The following PDE4D variants were observed in gnomAD, a reference collection of about 807,000 sequenced individuals.
PDE4D encodes the protein phosphodiesterase 4D.
Under a neutral mutation model 87.4 loss-of-function variants are expected in PDE4D, and 24 were observed. That is an observed-to-expected ratio of 0.27 (90% CI 0.20 to 0.39). The LOEUF is 0.39. Ranked by LOEUF, PDE4D falls within the 10% of genes least tolerant of loss-of-function variation. The probability of loss-of-function intolerance (pLI) is 1.00; values close to 1 mark genes in which losing one functional copy is unlikely to be tolerated. For synonymous variants in PDE4D, 384 were observed against 383.2 expected (o/e 1.00, Z -0.02); for missense variants, 714 against 1,041.0 (o/e 0.69, Z 4.32).
At chr5:60,002,361 G>A (rs767416149) in intron 2 of PDE4D, among the ~76,000 whole-genome samples, 2 of 151,934 alleles carry the variant, frequency 1.3e-5, no homozygotes, top group Non-Finnish European at 2.9e-5. Flanking sequence ...TAATACAAAT[G>A]CTTCTCAAAC....
At chr5:59,713,128 A>G (rs1351333194) in intron 1 of PDE4D, among the ~76,000 whole-genome samples, 3 of 152,234 alleles carry the variant, frequency 2.0e-5, no homozygotes, top group Non-Finnish European at 4.4e-5. Context: ...GAAAAAAAAC[A>G]ATAAGTGAAC....
intron 1 of PDE4D, among the ~76,000 whole-genome samples, chr5:59,584,170 G>A (rs907555114): frequency 3.9e-5 from 6 of 152,116 alleles, no homozygotes; most frequent in African/African-American, 1.4e-4. Flanking sequence ...AAGGGAAAGA[G>A]GGTTTTCTGT....
At chr5:59,536,873 TAAGA>T (rs1815368610) in intron 1 of PDE4D, among the ~76,000 whole-genome samples, 6 of 152,230 alleles carry the variant, frequency 3.9e-5, no homozygotes, top group Non-Finnish European at 8.8e-5. Flanking sequence ...CTACATGAAA[TAAGA>T]CTTCAGTTTT....
intron 2 of PDE4D, among the ~76,000 whole-genome samples, chr5:60,082,649 C>G (rs1774080234): frequency 6.6e-6 from 1 of 152,112 alleles, no homozygotes; most frequent in Admixed American, 6.5e-5. Flanking sequence ...CTGGCTAGAT[C>G]TAGTAGCAGG....
At chr5:59,332,448 T>A (rs1264550425) in intron 1 of PDE4D, among the ~76,000 whole-genome samples, 2 of 152,204 alleles carry the variant, frequency 1.3e-5, no homozygotes, top group East Asian at 3.9e-4. Context: ...AAGGCACTCT[T>A]AGATAATGTC....
intron 1 of PDE4D, among the ~76,000 whole-genome samples, chr5:60,318,783 T>C (rs1755898962): frequency 3.3e-5 from 5 of 152,106 alleles, no homozygotes; most frequent in Admixed American, 1.3e-4. Context: ...GGTTGAAAAT[T>C]CTTTTCTTTA....
At chr5:60,515,209 C>T (rs923720571) in intron 1 of PDE4D, among the ~76,000 whole-genome samples, 4 of 151,974 alleles carry the variant, frequency 2.6e-5, no homozygotes, top group Non-Finnish European at 4.4e-5. Flanking sequence ...GTTTTTCCTC[C>T]GTGTTCTTTT....
At chr5:58,996,233 T>C (rs183038679) in intron 6 of PDE4D, among the ~76,000 whole-genome samples, 8 of 152,232 alleles carry the variant, frequency 5.3e-5, no homozygotes, top group Non-Finnish European at 1.0e-4. Context: ...TATATACCTA[T>C]GTAACAAACC....
At chr5:59,416,332 T>A (rs1793603641) in intron 1 of PDE4D, among the ~76,000 whole-genome samples, 1 of 152,170 alleles carries the variant, frequency 6.6e-6, no homozygotes, top group South Asian at 2.1e-4. Context: ...GGATCTGGCC[T>A]GAGAAAATAG....
chr5:60,493,583 A>ATCATTCAT lies in PDE4D; in HGVS notation n.70+28460_70+28467dup, dbSNP rs56333350. On this transcript the variant is annotated intron_variant and non_coding_transcript_variant, in intron 1 of 2. Coordinates refer to the PDE4D transcript ENST00000506510. ...GAAGGAGTATGGACTTCTATACACA[A>ATCATTCAT]TCATTCATTCATTCATTCATTCATT... 2.9e-3 allele frequency among the ~76,000 whole-genome samples: 439 copies of ATCATTCAT among 149,676 alleles called. 1 individual carries two copies. Among genetic ancestry groups the ATCATTCAT allele is most frequent in the East Asian group, 7.6e-3 (38 of 4,990 alleles).
At chr5:60,415,573 C>CG (rs1431081302) in intron 1 of PDE4D, among the ~76,000 whole-genome samples, 3 of 152,226 alleles carry the variant, frequency 2.0e-5, no homozygotes, top group Non-Finnish European at 2.9e-5. Flanking sequence ...CCCGCCACCC[C>CG]GGGCAGTGAG....
At chr5:60,456,975 ACTAGTGAG>A (rs1199094665) in intron 1 of PDE4D, among the ~76,000 whole-genome samples, 2 of 152,180 alleles carry the variant, frequency 1.3e-5, no homozygotes. Flanking sequence ...CTTACCATAT[ACTAGTGAG>A]CTAGTGAGTG....
At chr5:60,281,175 A>G (rs1356806219) in intron 1 of PDE4D, among the ~76,000 whole-genome samples, 2 of 152,086 alleles carry the variant, frequency 1.3e-5, no homozygotes, top group African/African-American at 4.8e-5. Context: ...CTCCATACAT[A>G]CAAGGTCAGG....
At chr5:59,010,051 C>T (rs185791923) in intron 6 of PDE4D, among the ~76,000 whole-genome samples, 2 of 152,138 alleles carry the variant, frequency 1.3e-5, no homozygotes, top group Non-Finnish European at 2.9e-5. Context: ...GTTGGCAGGG[C>T]GCTGTGGCTC....
At chr5:59,961,322 C>T (rs1415374862) in intron 3 of PDE4D, among the ~76,000 whole-genome samples, 3 of 149,884 alleles carry the variant, frequency 2.0e-5, no homozygotes, top group East Asian at 2.0e-4. Flanking sequence ...AAAAAGGCCA[C>T]GAGAGGACAC....
intron 1 of PDE4D, among the ~76,000 whole-genome samples, chr5:59,387,976 A>C (rs365223): frequency 0.25 from 37,653 of 151,858 alleles, 4,990 homozygotes; most frequent in East Asian, 0.39. Flanking sequence ...CCTGGTTAAC[A>C]ACCATTTTAT....
intron 1 of PDE4D, among the ~76,000 whole-genome samples, chr5:60,486,202 G>A (rs907530721): frequency 6.6e-6 from 1 of 152,088 alleles, no homozygotes; most frequent in Non-Finnish European, 1.5e-5. Context: ...CTTGAGGGAT[G>A]GGATTATATT....
At chr5:60,207,874 T>G (rs1180498434) in intron 1 of PDE4D, among the ~76,000 whole-genome samples, 1 of 152,212 alleles carries the variant, frequency 6.6e-6, no homozygotes, top group Non-Finnish European at 1.5e-5. Context: ...CCAAATGACT[T>G]CATTAATAAG....
chr5:60,509,588 T>C (rs1750479719), intron 1 of PDE4D, among the ~76,000 whole-genome samples: 1 of 152,138 alleles, frequency 6.6e-6, no homozygotes, highest in South Asian at 2.1e-4. Context: ...ACTCCTAGGA[T>C]TTTTTCTCTC....
Sources: allele counts gnomAD v4.1 joint callset (sites outside exome capture counted in the v4.1 genomes callset), GRCh38; gene constraint gnomAD v4.1.1; transcripts MANE v1.5; gene names NCBI Gene and HGNC (gene_info 2026-07-23, HGNC 2026-07-21).